The following GRIK4 variants were observed in gnomAD, a reference collection of about 807,000 sequenced individuals.
GRIK4 encodes the protein glutamate receptor ionotropic, kainate 4.
A neutral mutation model predicts 104.9 loss-of-function variants in GRIK4; 40 were observed. The ratio of observed to expected loss-of-function variants is 0.38; its 90% CI spans 0.30 to 0.50. The LOEUF is 0.50. Ranked by LOEUF, GRIK4 falls within the 20% of genes least tolerant of loss-of-function variation. The pLI, the probability that GRIK4 is intolerant of heterozygous loss-of-function variation, is 0.93. For missense variants in GRIK4, 1,047 were observed against 1,308.1 expected, an observed-to-expected ratio of 0.80 and a Z score of 3.08; for synonymous variants, 485 against 524.9, an observed-to-expected ratio of 0.92 and a Z score of 1.04.
At chr11:120,625,754 G>A (rs1949251476) in intron 1 of GRIK4, among the ~76,000 whole-genome samples, 3 of 151,926 alleles carry the variant, frequency 2.0e-5, no homozygotes, top group South Asian at 4.2e-4. Context: ...GGGGGAGGGT[G>A]GGCAGCTGGC....
Position 120,861,093 on chromosome 11 carries a change from C to CTTTTTTTTTT in GRIK4, c.745-843_745-834dup, listed in dbSNP as rs547199127. 1.3e-4 allele frequency among the ~76,000 whole-genome samples: 11 copies of CTTTTTTTTTT among 86,556 alleles called. 1 individual carries two copies. The highest frequency in any genetic ancestry group is 4.1e-4 in the South Asian group (1 of 2,468). The allele number at this position is 86,556 out of a possible 152,430, so 56.8% of individuals were successfully genotyped here. A position where few individuals can be genotyped will look rare whatever the true frequency, so the allele number is the denominator to read the frequency against. On this transcript the variant is annotated intron_variant, in intron 8 of 20. Transcript: ENST00000527524. Reference sequence around the variant, plus strand: ...TTAGGTAGGGTTCAGAAATCATCCTCTTTTTTTTTTTTTTTTTTTTTTTTT... The same window carrying CTTTTTTTTTT: ...TTAGGTAGGGTTCAGAAATCATCCTCTTTTTTTTTTTTTTTTTTTTTTTTTTTTTTTTTTT...
chr11:120,754,867 T>G (rs142235212), intron 3 of GRIK4, among the ~76,000 whole-genome samples: 1 of 152,230 alleles, frequency 6.6e-6, no homozygotes, highest in Non-Finnish European at 1.5e-5. Flanking sequence ...CCCTTTTTAA[T>G]TGGGTTATTT....
chr11:120,837,367 G>A (rs1953600482), intron 8 of GRIK4, among the ~76,000 whole-genome samples: 1 of 152,154 alleles, frequency 6.6e-6, no homozygotes, highest in South Asian at 2.1e-4. Context: ...GAGGAATTTA[G>A]TGTGACCTTT....
intron 14 of GRIK4, among the ~76,000 whole-genome samples, chr11:120,943,673 T>C (rs1943782531): frequency 1.3e-5 from 2 of 152,374 alleles, no homozygotes; most frequent in South Asian, 2.1e-4. Context: ...TTTAATCACA[T>C]TTATGATCTA....
intron 3 of GRIK4, among the ~76,000 whole-genome samples, chr11:120,710,953 T>C (rs1376267975): frequency 6.7e-6 from 1 of 149,690 alleles, no homozygotes; most frequent in Non-Finnish European, 1.5e-5. Flanking sequence ...AGTGCAGAAC[T>C]GGAGCACCAG....
chr11:120,749,519 G>A lies in GRIK4; in HGVS notation c.83-53174G>A, dbSNP rs80200022. ...TGGGCTGCTGGGCTCAGAGCAATCC[G>A]TAGAGCTTTCCAGGCAGGAAGAGAA... is the stretch of plus-strand genomic sequence containing the variant. On this transcript the variant is annotated intron_variant, in intron 3 of 20. Coordinates refer to ENST00000527524, the MANE Select transcript of GRIK4 (RefSeq NM_014619.5). Among the ~76,000 whole-genome samples, 553 of 152,304 alleles carry A rather than the reference G, an allele frequency of 3.6e-3. 12 individuals are homozygous for A. The East Asian group carries it at 0.064, about 18-fold the overall frequency.
At chr11:120,594,787 A>G (rs1948779992) in intron 1 of GRIK4, among the ~76,000 whole-genome samples, 1 of 152,206 alleles carries the variant, frequency 6.6e-6, no homozygotes, top group Non-Finnish European at 1.5e-5. Context: ...TAGCCGTACC[A>G]TGACTCCATT....
At chr11:120,915,263 A>G (rs547688167) in intron 13 of GRIK4, among the ~76,000 whole-genome samples, 2 of 152,064 alleles carry the variant, frequency 1.3e-5, no homozygotes, top group South Asian at 2.1e-4. Flanking sequence ...CTTAGCCACA[A>G]ACATGTTCAT....
Position 120,706,204 on chromosome 11 carries a change from G to A in GRIK4, c.82+45804G>A, listed in dbSNP as rs555063731. 6.8e-4 allele frequency among the ~76,000 whole-genome samples: 104 copies of A among 152,326 alleles called. 1 individual carries two copies. In the South Asian group the frequency reaches 0.021, roughly 30 times the overall value. On this transcript the variant is annotated intron_variant, in intron 3 of 20. Transcript: ENST00000527524. ...TCCATGGCTCTCCTAGGAAGGGGCT[G>A]TGGGTTCTAGGACTGACCCTGATCT... is the stretch of plus-strand genomic sequence containing the variant.
At chr11:120,536,473 G>A (rs1296841148) in intron 1 of GRIK4, among the ~76,000 whole-genome samples, 2 of 152,252 alleles carry the variant, frequency 1.3e-5, no homozygotes, top group African/African-American at 2.4e-5. Context: ...ATGCGGAGCT[G>A]GTTGAACAAT....
chr11:120,759,164 A>T (rs1438087251), intron 3 of GRIK4, among the ~76,000 whole-genome samples: 1 of 152,212 alleles, frequency 6.6e-6, no homozygotes, highest in Non-Finnish European at 1.5e-5. Context: ...TAGCCAGGCA[A>T]GCAAGAGCTG....
At chr11:120,836,130 A>G (rs12223757) in intron 7 of GRIK4, among the ~76,000 whole-genome samples, 49,783 of 152,092 alleles carry the variant, frequency 0.33, 9,017 homozygotes, top group East Asian at 0.49. Context: ...CAGGGCCCCA[A>G]AGAGAGTTGT....
intron 1 of GRIK4, among the ~76,000 whole-genome samples, chr11:120,605,923 C>T (rs1195022152): frequency 2.0e-5 from 3 of 152,222 alleles, no homozygotes; most frequent in Non-Finnish European, 2.9e-5. Flanking sequence ...ACCGCACAGG[C>T]GGTGGCTGGG....
intron 13 of GRIK4, among the ~76,000 whole-genome samples, chr11:120,935,054 AC>A (rs1447161002): frequency 6.6e-6 from 1 of 152,120 alleles, no homozygotes; most frequent in East Asian, 1.9e-4. Context: ...AGCGTTCAAT[AC>A]TGCTGACCGC....
At chr11:120,778,210 G>A (rs913654184) in intron 3 of GRIK4, among the ~76,000 whole-genome samples, 5 of 152,154 alleles carry the variant, frequency 3.3e-5, no homozygotes, top group Admixed American at 1.3e-4. Flanking sequence ...TCAATTTCAC[G>A]TCCCCACTGC....
chr11:120,885,279 G>A (rs934475128), intron 11 of GRIK4, among the ~76,000 whole-genome samples: 30 of 152,232 alleles, frequency 2.0e-4, no homozygotes, highest in African/African-American at 6.8e-4. Context: ...GGCAATTTGA[G>A]GAAGGCCAAT....
intron 1 of GRIK4, among the ~76,000 whole-genome samples, chr11:120,526,880 A>G (rs998542306): frequency 8.5e-5 from 13 of 152,268 alleles, no homozygotes; most frequent in Non-Finnish European, 1.8e-4. Flanking sequence ...TCGTTTTTAA[A>G]GTGCTTATCA....
At position 120,905,197 on chromosome 11, in the gene GRIK4, T is replaced by C; in HGVS notation, c.1273-93T>C. On this transcript the variant is annotated intron_variant, in intron 12 of 20. Coordinates refer to ENST00000527524, the MANE Select transcript of GRIK4 (RefSeq NM_014619.5). This position sits in a 1 kb window ranked among gnomAD's most constrained non-coding sequence, Gnocchi z 5.1. ...AGTTTCCTCCTTCTGCCCCATGTCC[T>C]CCCCGACCCTCTGTGCCCCTGGCCC... The C allele has an allele frequency of 2.2e-6, 2 of 899,686 alleles. No individual in the cohort carries two copies. The highest frequency in any genetic ancestry group is 3.4e-5 in the Admixed American group (2 of 58,560). The allele number at this position is 899,686 out of a possible 1,614,324, so 55.7% of individuals were successfully genotyped here.
At position 120,861,808 on chromosome 11, in the gene GRIK4, T is replaced by C. The variant is rs1428037178; in HGVS notation, c.745-151T>C. ...TCACAGTGTTAACTCCCAGAAAAAC[T>C]GCTCTCATTAACTCTGGACCCCTAG... On this transcript the variant is annotated intron_variant, in intron 8 of 20. Coordinates refer to ENST00000527524, the MANE Select transcript of GRIK4 (RefSeq NM_014619.5). 6.2e-6 allele frequency: 4 copies of C among 648,990 alleles called. No individual in the cohort carries two copies. In the African/African-American group the frequency reaches 7.2e-5, roughly 12 times the overall value. The allele number at this position is 648,990 out of a possible 1,614,324, so 40.2% of individuals were successfully genotyped here. A position where few individuals can be genotyped will look rare whatever the true frequency, so the allele number is the denominator to read the frequency against.
Sources: allele counts gnomAD v4.1 joint callset (sites outside exome capture counted in the v4.1 genomes callset), GRCh38; gene constraint gnomAD v4.1.1; non-coding constraint Gnocchi (gnomAD v3.1); transcripts MANE v1.5; gene names NCBI Gene and HGNC (gene_info 2026-07-23, HGNC 2026-07-21).